The following NDUFS4 variants were observed in gnomAD, a reference collection of about 807,000 sequenced individuals.
NDUFS4 encodes the protein NADH:ubiquinone oxidoreductase subunit S4.
A neutral mutation model predicts 24.3 loss-of-function variants in NDUFS4; 28 were observed. That is an observed-to-expected ratio of 1.15 (90% CI 0.85 to 1.58). The LOEUF is 1.58. NDUFS4 is among the 40% of genes most tolerant of loss of function. The probability of loss-of-function intolerance (pLI) is 0.00; values close to 1 mark genes in which losing one functional copy is unlikely to be tolerated. For synonymous variants in NDUFS4, 93 were observed against 69.7 expected (o/e 1.34, Z -1.67); for missense variants, 223 against 207.9 (o/e 1.07, Z -0.45).
At chr5:53,630,550 G>T (rs3103597) in intron 2 of NDUFS4, among the ~76,000 whole-genome samples, 1 of 151,516 alleles carries the variant, frequency 6.6e-6, no homozygotes, top group Non-Finnish European at 1.5e-5. Flanking sequence ...TCACATAATC[G>T]TATATTTCTT....
intron 3 of NDUFS4, among the ~76,000 whole-genome samples, chr5:53,656,836 G>T (rs1354210925): frequency 6.6e-6 from 1 of 152,048 alleles, no homozygotes; most frequent in Non-Finnish European, 1.5e-5. Flanking sequence ...GATTAGTTAG[G>T]ATGGGGTTAT....
In NDUFS4 at chr5:53,603,318, T is replaced by C. The variant is rs941786478; in HGVS notation, c.99-134T>C. The C allele has an allele frequency of 4.3e-6, 3 of 701,232 alleles. No homozygotes were observed. In the African/African-American group the frequency reaches 5.6e-5, roughly 13 times the overall value. The allele number at this position is 701,232 out of a possible 1,614,324, so 43.4% of individuals were successfully genotyped here. ...AGAGAAAAAGGACTTTTGTGCCCTCTTCTCTTTCTTTCCTTTCCTTTTTTT... is the reference window on the plus strand; with the variant it reads ...AGAGAAAAAGGACTTTTGTGCCCTCCTCTCTTTCTTTCCTTTCCTTTTTTT... On this transcript the variant is annotated intron_variant, in intron 1 of 4. Coordinates refer to ENST00000296684, the MANE Select transcript of NDUFS4 (RefSeq NM_002495.4).
chr5:53,682,492 G>C (rs1213057046), intron 4 of NDUFS4, among the ~76,000 whole-genome samples: 1 of 151,414 alleles, frequency 6.6e-6, no homozygotes, highest in Non-Finnish European at 1.5e-5. Context: ...CTCTTTATCA[G>C]GTACTCCCAT....
intron 2 of NDUFS4, among the ~76,000 whole-genome samples, chr5:53,615,507 A>G (rs981925695): frequency 1.3e-5 from 2 of 152,048 alleles, no homozygotes; most frequent in African/African-American, 4.8e-5. Context: ...CTACTCTTCA[A>G]AATACCACCT....
rs933026839 is a variant in NDUFS4, at chr5:53,658,343, T to A, written c.351-208T>A. On this transcript the variant is annotated intron_variant, in intron 3 of 4. Coordinates refer to ENST00000296684, the MANE Select transcript of NDUFS4 (RefSeq NM_002495.4). ...AATGCCTTTGCAATTATGAATTTTATTATTTGACAATACATATTAGAAAAT... is the reference window on the plus strand; with the variant it reads ...AATGCCTTTGCAATTATGAATTTTAATATTTGACAATACATATTAGAAAAT... Among the ~76,000 whole-genome samples the A allele has an allele frequency of 1.5e-4, 23 of 152,186 alleles. 1 individual carries two copies. The highest frequency in any genetic ancestry group is 3.1e-4 in the Non-Finnish European group (21 of 68,018).
At chr5:53,663,969 A>G (rs1388343340) in intron 4 of NDUFS4, among the ~76,000 whole-genome samples, 3 of 149,900 alleles carry the variant, frequency 2.0e-5, no homozygotes. Context: ...AGTGGCTGGT[A>G]CTTGTTGTTC....
At chr5:53,591,806 C>T (rs1749968668) in intron 1 of NDUFS4, among the ~76,000 whole-genome samples, 2 of 152,082 alleles carry the variant, frequency 1.3e-5, no homozygotes, top group African/African-American at 4.8e-5. Context: ...TTATAATTTC[C>T]TAATGACATA....
At position 53,591,353 on chromosome 5, in the gene NDUFS4, A is replaced by G. The variant is rs142182195; in HGVS notation, c.99-12099A>G. ...TTTAAATATTTTGAGGAATCACACT[A>G]CTGTTTTCTGTAATGGCTGTGTCAT... On this transcript the variant is annotated intron_variant, in intron 1 of 4. Transcript: ENST00000296684. Among the ~76,000 whole-genome samples, 33 of 149,362 alleles carry G rather than the reference A, an allele frequency of 2.2e-4. No homozygotes were observed. In the East Asian group the frequency reaches 6.5e-3, roughly 30 times the overall value.
Position 53,573,774 on chromosome 5 carries a change from T to A in NDUFS4, c.98+13014T>A. The stretch of plus-strand genomic sequence containing the variant: ...TGACTAATTTTCTTATTTTATTTTT[T>A]TGTAGAGACAGGTTGCTATATTGCC... On this transcript the variant is annotated intron_variant, in intron 1 of 4. Coordinates refer to ENST00000296684, the MANE Select transcript of NDUFS4 (RefSeq NM_002495.4). 3 of 235,890 alleles carry A rather than the reference T, an allele frequency of 1.3e-5. No homozygotes were observed. The South Asian group carries it at 1.4e-4, about 11-fold the overall frequency. The allele number at this position is 235,890 out of a possible 1,614,324, so 14.6% of individuals were successfully genotyped here.
At chr5:53,606,477 A>T (rs427527) in intron 2 of NDUFS4, among the ~76,000 whole-genome samples, 3 of 151,690 alleles carry the variant, frequency 2.0e-5, no homozygotes, top group East Asian at 2.0e-4. Context: ...AGTGATTCTT[A>T]TGCCTCAGCC....
intron 1 of NDUFS4, among the ~76,000 whole-genome samples, chr5:53,562,798 T>C (rs2112401504): frequency 6.6e-6 from 1 of 152,320 alleles, no homozygotes; most frequent in South Asian, 2.1e-4. Context: ...AAAGAACCAA[T>C]TAATGGGAAA....
intron 1 of NDUFS4, among the ~76,000 whole-genome samples, chr5:53,580,550 G>T (rs752902637): frequency 2.6e-5 from 4 of 152,180 alleles, no homozygotes; most frequent in Admixed American, 6.5e-5. Flanking sequence ...ATCTAACCAA[G>T]ACATCCTCAT....
chr5:53,580,901 T>G (rs975645849), intron 1 of NDUFS4, among the ~76,000 whole-genome samples: 13 of 152,050 alleles, frequency 8.5e-5, no homozygotes, highest in Non-Finnish European at 1.5e-4. Flanking sequence ...TGGCACAGTC[T>G]TGGCTCACGG....
chr5:53,594,413 T>C lies in NDUFS4; in HGVS notation c.99-9039T>C, dbSNP rs1417679597. On this transcript the variant is annotated intron_variant, in intron 1 of 4. Coordinates refer to ENST00000296684, the MANE Select transcript of NDUFS4 (RefSeq NM_002495.4). ...TTTCCATCCCTTTACTTTTAGTCTG[T>C]GTCTTTATAATTAAAAATGGGTTTC... Among the ~76,000 whole-genome samples, 14 of 152,250 alleles carry C rather than the reference T, an allele frequency of 9.2e-5. No individual in the cohort carries two copies. The East Asian group carries it at 2.7e-3, about 29-fold the overall frequency.
intron 1 of NDUFS4, among the ~76,000 whole-genome samples, chr5:53,566,173 A>G (rs1000120576): frequency 1.3e-5 from 2 of 152,220 alleles, no homozygotes; most frequent in African/African-American, 2.4e-5. Context: ...ACTCCAAAAA[A>G]AAGTTAATAA....
intron 2 of NDUFS4, among the ~76,000 whole-genome samples, chr5:53,611,629 T>C (rs1750702251): frequency 2.0e-5 from 3 of 152,054 alleles, no homozygotes; most frequent in Admixed American, 2.0e-4. Flanking sequence ...TTTCCTAATA[T>C]ATGATACTTC....
chr5:53,674,711 C>T (rs563004783), intron 4 of NDUFS4, among the ~76,000 whole-genome samples: 1 of 152,040 alleles, frequency 6.6e-6, no homozygotes, highest in East Asian at 1.9e-4. Flanking sequence ...TATTACAAAA[C>T]ATAATTATTG....
At chr5:53,566,104 C>T (rs1213549591) in intron 1 of NDUFS4, among the ~76,000 whole-genome samples, 4 of 152,032 alleles carry the variant, frequency 2.6e-5, no homozygotes, top group African/African-American at 4.8e-5. Context: ...ACCTGGGAGG[C>T]GGAGGTTGCA....
At chr5:53,677,810 T>G (rs1740526823) in intron 4 of NDUFS4, among the ~76,000 whole-genome samples, 1 of 152,220 alleles carries the variant, frequency 6.6e-6, no homozygotes, top group Non-Finnish European at 1.5e-5. Context: ...TGGTAGTTCT[T>G]GTTCTGTGTA....
Sources: gnomAD v4.1 joint callset for allele counts (sites outside exome capture counted in the v4.1 genomes callset) on GRCh38, gnomAD v4.1.1 for gene constraint, MANE v1.5 for transcripts, NCBI Gene and HGNC (gene_info 2026-07-23, HGNC 2026-07-21) for gene names.